The following TLR9 variants were observed in gnomAD, a reference collection of about 807,000 sequenced individuals.
TLR9 encodes the protein toll like receptor 9.
TLR9 carries 19 observed loss-of-function variants against 24.6 expected under a neutral mutation model. The ratio of observed to expected loss-of-function variants is 0.77; its 90% CI spans 0.54 to 1.13. The LOEUF is 1.13. Among genes scored for constraint, TLR9 ranks in the 50% most tolerant of loss-of-function variants. The pLI is 0.00. For missense variants in TLR9, 1,065 were observed against 1,379.6 expected (o/e 0.77, Z 3.61); for synonymous variants, 579 against 609.8 (o/e 0.95, Z 0.74).
In TLR9 at chr3:52,221,747, G is replaced by A. The variant is rs200200453; in HGVS notation, c.2569C>T (p.Arg857Trp). The A allele has an allele frequency of 2.5e-5, 41 of 1,613,830 alleles. No homozygotes were observed. The highest frequency in any genetic ancestry group is 4.5e-5 in the East Asian group (2 of 44,892). The change falls in exon 2 of 2, where the codon CGG becomes TGG. Residue 857 changes from arginine (R) to tryptophan (W), a missense_variant. Transcript: ENST00000360658. This position sits in a 1 kb window ranked among gnomAD's most constrained non-coding sequence, Gnocchi z 9.9. ...FHLCLAWLPW[R>W]GRQSGRDEDA... ...TCATCTCGCCCACTTTGCCGCCCCC[G>A]CCAGGGAAGCCAGGCCAGGCACAGG...
intron 1 of TLR9, among the ~76,000 whole-genome samples, chr3:52,224,808 C>T (rs1259082334): frequency 6.6e-6 from 1 of 152,264 alleles, no homozygotes; most frequent in Non-Finnish European, 1.5e-5. Flanking sequence ...GGCCGGCTGC[C>T]TCCCAGGGAC....
Position 52,222,671 on chromosome 3 carries a change from C to T in TLR9, c.1645G>A (p.Ala549Thr). Residue 549 changes from alanine (A) to threonine (T), a missense_variant, in exon 2 of 2, where the codon GCC (alanine) becomes ACC (threonine). By Grantham distance (58) the Ala-to-Thr change is moderately conservative. Transcript: ENST00000360658. ...TGGCTGTTGTAGCTGAGGTCCAGGG[C>T]CTCCAGTCGCGGTAGCTCCGTGAAT... is the stretch of plus-strand genomic sequence containing the variant. ...HSFTELPRLE[A>T]LDLSYNSQPF... 1 of 1,613,468 alleles carries T rather than the reference C, an allele frequency of 6.2e-7. No homozygotes were observed. The highest frequency in any genetic ancestry group is 1.3e-5 in the African/African-American group (1 of 75,058).
Position 52,221,976 on chromosome 3 carries a change from G to T in TLR9, c.2340C>A (p.Ala780=), listed in dbSNP as rs201639851. ...TCACCCGGCTGGGCAGACCGGGCAC[G>T]GCAGCCTGCACCTCCAGCAGGAAGT... ...FMDFLLEVQA[A]VPGLPSRVKC... is the part of the protein sequence containing the mutation. The change falls in exon 2 of 2, where the codon GCC becomes GCA. Residue 780 remains alanine (A), a synonymous_variant. Transcript: ENST00000360658. The surrounding 1 kb of genome is among the most constrained non-coding windows in gnomAD (Gnocchi z 9.9). The T allele has an allele frequency of 6.2e-7, 1 of 1,608,736 alleles. No individual in the cohort carries two copies. Among genetic ancestry groups the T allele is most frequent in the Non-Finnish European group, 8.5e-7 (1 of 1,177,192 alleles).
rs199756615 is a variant in TLR9, at chr3:52,222,069, C to T, written c.2247G>A (p.Ala749=). The part of the protein sequence containing the change: ...TVDHSWFGPL[A]SALQILDVSA... ...TTACATCTAGTATTTGCAGGGCACT[C>T]GCCAGGGGCCCAAACCAGGAGTGGT... The change falls in exon 2 of 2, where the codon GCG becomes GCA. Residue 749 remains alanine, a synonymous_variant. Transcript: ENST00000360658. 8.2e-5 allele frequency: 133 copies of T among 1,612,524 alleles called. No individual in the cohort carries two copies. The highest frequency in any genetic ancestry group is 1.6e-4 in the East Asian group (7 of 44,866).
chr3:52,225,183 A>G (rs1699608499), intron 1 of TLR9, among the ~76,000 whole-genome samples: 1 of 152,052 alleles, frequency 6.6e-6, no homozygotes, highest in Non-Finnish European at 1.5e-5. Flanking sequence ...TGGCTCTACT[A>G]AAAATACAAA....
chr3:52,221,734 C>G lies in TLR9; in HGVS notation c.2582G>C (p.Ser861Thr), dbSNP rs201014855. 3.7e-6 allele frequency: 6 copies of G among 1,613,938 alleles called. No individual in the cohort carries two copies. The South Asian group carries it at 4.4e-5, about 12-fold the overall frequency. ...GGGCAGGGCATCCTCATCTCGCCCA[C>G]TTTGCCGCCCCCGCCAGGGAAGCCA... Reference protein sequence around the residue: ...LAWLPWRGRQSGRDEDALPYD... With the variant: ...LAWLPWRGRQTGRDEDALPYD... Residue 861 changes from serine (S) to threonine (T), a missense_variant, in exon 2 of 2, where the codon AGT (serine) becomes ACT (threonine). Coordinates refer to ENST00000360658, the MANE Select transcript of TLR9 (RefSeq NM_017442.4). This position sits in a 1 kb window ranked among gnomAD's most constrained non-coding sequence, Gnocchi z 9.9.
chr3:52,221,436 C>A lies in TLR9; in HGVS notation c.2880G>T (p.Glu960Asp), dbSNP rs771623304. 6.2e-7 allele frequency: 1 copy of A among 1,606,984 alleles called. No homozygotes were observed. Among genetic ancestry groups the A allele is most frequent in the East Asian group, 2.2e-5 (1 of 44,682 alleles). ...SFLLAQQRLL[E>D]DRKDVVVLVI... ...CCAGCACCACGACGTCCTTGCGGTCCTCCAGCAGGCGCTGCTGGGCCAGCA... is the reference window on the plus strand; with the variant it reads ...CCAGCACCACGACGTCCTTGCGGTCATCCAGCAGGCGCTGCTGGGCCAGCA... Residue 960 changes from glutamate (E) to aspartate (D), a missense_variant, in exon 2 of 2, where the codon GAG (glutamate) becomes GAT (aspartate). Transcript: ENST00000360658. The surrounding 1 kb of genome is among the most constrained non-coding windows in gnomAD (Gnocchi z 9.9).
Position 52,222,734 on chromosome 3 carries a change from G to A in TLR9, c.1582C>T (p.Leu528=), listed in dbSNP as rs1380445832. Residue 528 remains leucine (L), a synonymous_variant, in exon 2 of 2, where the codon CTG becomes TTG. Coordinates refer to ENST00000360658, the MANE Select transcript of TLR9 (RefSeq NM_017442.4). ...LPLTGLQVLD[L]SHNKLDLYHE... ...TAGAGGTCCAGCTTATTGTGGGACA[G>A]GTCTAGCACCTGCAGACCGGTCAGC... is the stretch of plus-strand genomic sequence containing the variant. 6.2e-7 allele frequency: 1 copy of A among 1,614,044 alleles called. No homozygotes were observed. Among genetic ancestry groups the A allele is most frequent in the Admixed American group, 1.7e-5 (1 of 60,038 alleles).
chr3:52,222,375 G>T lies in TLR9; in HGVS notation c.1941C>A (p.Thr647=). The part of the protein sequence containing the change: ...QNRLHTLLPQ[T]LRNLPKSLQV... ...GTAGGCTCTTGGGGAGGTTGCGCAG[G>T]GTTTGGGGCAGGAGGGTGTGCAGGC... Residue 647 remains threonine, a synonymous_variant, in exon 2 of 2, where the codon ACC becomes ACA. Transcript: ENST00000360658. 6.2e-7 allele frequency: 1 copy of T among 1,614,218 alleles called. No homozygotes were observed. The highest frequency in any genetic ancestry group is 8.5e-7 in the Non-Finnish European group (1 of 1,180,046).
chr3:52,225,355 A>G (rs1699610094), intron 1 of TLR9, among the ~76,000 whole-genome samples, 172 bp downstream of exon 1: 1 of 151,954 alleles, frequency 6.6e-6, no homozygotes, highest in Non-Finnish European at 1.5e-5. Context: ...AAAAAAAAAA[A>G]AAAGAAAAAA....
In TLR9 at chr3:52,221,239, C is replaced by T. The variant is rs774968315; in HGVS notation, c.3077G>A (p.Cys1026Tyr). ...CGGCTATTCGGCCGTGGGTCCCTGG[C>T]AGAAGTTCCGGTTATAGAAGTGGTG... ...DNHHFYNRNF[C>Y]QGPTAE The change falls in exon 2 of 2, where the codon TGC becomes TAC. Residue 1026 changes from cysteine (C) to tyrosine (Y), a missense_variant. Transcript: ENST00000360658. The surrounding 1 kb of genome is among the most constrained non-coding windows in gnomAD (Gnocchi z 9.9). The T allele has an allele frequency of 4.6e-6, 7 of 1,513,610 alleles. No homozygotes were observed. The highest frequency in any genetic ancestry group is 1.8e-4 in the Middle Eastern group (1 of 5,604). 93.8% of individuals were successfully genotyped at this position (1,513,610 alleles called of 1,614,324 possible). A position where few individuals can be genotyped will look rare whatever the true frequency, so the allele number is the denominator to read the frequency against.
rs146228125 is a variant in TLR9 at position 52,222,952 on chromosome 3, G to A, written c.1364C>T (p.Pro455Leu). 1.1e-4 allele frequency: 179 copies of A among 1,597,446 alleles called. No individual in the cohort carries two copies. The highest frequency in any genetic ancestry group is 1.4e-4 in the Non-Finnish European group (161 of 1,169,062). The change falls in exon 2 of 2, where the codon CCG becomes CTG. Residue 455 changes from proline (P) to leucine (L), a missense_variant. By Grantham distance (98) the Pro-to-Leu change is moderately conservative. Transcript: ENST00000360658. The part of the protein sequence containing the change: ...KVWLQPGDLA[P>L]APVDTPSSED... ...AGAGCTGGGAGTGTCCACTGGGGCC[G>A]GAGCAAGGTCCCCAGGCTGCAGCCA...
At position 52,223,157 on chromosome 3, in the gene TLR9, G is replaced by A. The variant is rs200896033; in HGVS notation, c.1159C>T (p.Leu387=). The A allele has an allele frequency of 8.1e-6, 13 of 1,613,878 alleles. No individual in the cohort carries two copies. The highest frequency in any genetic ancestry group is 1.0e-5 in the Non-Finnish European group (12 of 1,179,964). The stretch of plus-strand genomic sequence containing the variant: ...GTCTGGAGCATGGGCAGGCGGGCCA[G>A]TGGCCGGAGCGTGGTCTCATCGAGT... ...RSLDETTLRP[L]ARLPMLQTLR... The change falls in exon 2 of 2, where the codon CTG becomes TTG. Residue 387 remains leucine, a synonymous_variant. Transcript: ENST00000360658.
rs201350555 is a variant in TLR9 at position 52,224,286 on chromosome 3, C to T, written c.30G>A (p.Pro10=). 23 of 1,601,908 alleles carry T rather than the reference C, an allele frequency of 1.4e-5. No homozygotes were observed. The highest frequency in any genetic ancestry group is 7.8e-5 in the South Asian group (7 of 89,974). The change falls in exon 2 of 2, where the codon CCG becomes CCA. Residue 10 remains proline, a synonymous_variant. Transcript: ENST00000360658. MGFCRSALH[P]LSLLVQAIML... is the part of the protein sequence containing the mutation. ...TGATGGCCTGCACCAGGAGAGACAG[C>T]GGGTGCAGGGCGCTGCGGCAGAAAC... is the stretch of plus-strand genomic sequence containing the variant.
chr3:52,223,715 G>A lies in TLR9; in HGVS notation c.601C>T (p.Leu201Phe), dbSNP rs2107295531. ...TTGTACTTGAGTGACAGGTGGGTGAGGTTGCCCAGGCCAAGGAGGGCACCC... is the reference window on the plus strand; with the variant it reads ...TTGTACTTGAGTGACAGGTGGGTGAAGTTGCCCAGGCCAAGGAGGGCACCC... Reference protein sequence around the residue: ...APGALLGLGNLTHLSLKYNNL... With the variant: ...APGALLGLGNFTHLSLKYNNL... The change falls in exon 2 of 2, where the codon CTC becomes TTC. Residue 201 changes from leucine to phenylalanine, a missense_variant. By Grantham distance (22) the Leu-to-Phe change is conservative. Coordinates refer to ENST00000360658, the MANE Select transcript of TLR9 (RefSeq NM_017442.4). The A allele has an allele frequency of 2.5e-6, 4 of 1,589,784 alleles. No homozygotes were observed. The East Asian group carries it at 9.0e-5, about 36-fold the overall frequency.
Position 52,224,314 on chromosome 3 carries a change from TG to T in TLR9, c.4-3del, listed in dbSNP as rs1559438382. On this transcript the variant is annotated splice_polypyrimidine_tract_variant and splice_region_variant and intron_variant, in intron 1 of 1. Coordinates refer to ENST00000360658, the MANE Select transcript of TLR9 (RefSeq NM_017442.4). ...GTGCAGGGCGCTGCGGCAGAAACCCTGTGGGGGTGGGAGGGCTGTGTGAGTG... is the reference window on the plus strand; with the variant it reads ...GTGCAGGGCGCTGCGGCAGAAACCCTTGGGGGTGGGAGGGCTGTGTGAGTG... 1 of 1,567,236 alleles carries T rather than the reference TG, an allele frequency of 6.4e-7. No individual in the cohort carries two copies. The highest frequency in any genetic ancestry group is 1.2e-5 in the South Asian group (1 of 86,430).
rs201987425 is a variant in TLR9 at position 52,222,555 on chromosome 3, G to T, written c.1761C>A (p.Ile587=). 2.8e-5 allele frequency: 46 copies of T among 1,614,090 alleles called. No individual in the cohort carries two copies. The highest frequency in any genetic ancestry group is 5.1e-6 in the Non-Finnish European group (6 of 1,180,046). ...AGAGCTGCTGGGACACTTGGCTGTG[G>T]ATGTTGTTGTGGGCCAGGCTGAGGT... ...LRHLSLAHNN[I]HSQVSQQLCS... is the part of the protein sequence containing the mutation. Residue 587 remains isoleucine (I), a synonymous_variant, in exon 2 of 2, where the codon ATC becomes ATA. Transcript: ENST00000360658.
rs34399053 is a variant in TLR9 at position 52,222,431 on chromosome 3, C to T, written c.1885G>A (p.Gly629Ser). 134 of 1,614,180 alleles carry T rather than the reference C, an allele frequency of 8.3e-5. No homozygotes were observed. In the African/African-American group the frequency reaches 1.5e-3, roughly 17 times the overall value. ...LYLHFFQGLS[G>S]LIWLDLSQNR... ...TGGGACAAGTCCAGCCAGATCAAAC[C>T]GCTCAGGCCTTGGAAGAAGTGCAGA... is the stretch of plus-strand genomic sequence containing the variant. Residue 629 changes from glycine (G) to serine (S), a missense_variant, in exon 2 of 2, where the codon GGT becomes AGT. Gly to Ser is a moderately conservative substitution (Grantham distance 56). Transcript: ENST00000360658.
Position 52,221,970 on chromosome 3 carries a change from G to A in TLR9, c.2346C>T (p.Pro782=), listed in dbSNP as rs562283382. The A allele has an allele frequency of 1.9e-5, 31 of 1,608,824 alleles. 1 individual carries two copies. The East Asian group carries it at 2.7e-4, about 14-fold the overall frequency. Residue 782 remains proline (P), a synonymous_variant, in exon 2 of 2, where the codon CCC becomes CCT. Transcript: ENST00000360658. This position sits in a 1 kb window ranked among gnomAD's most constrained non-coding sequence, Gnocchi z 9.9. The stretch of plus-strand genomic sequence containing the variant: ...CACACTTCACCCGGCTGGGCAGACC[G>A]GGCACGGCAGCCTGCACCTCCAGCA... ...DFLLEVQAAV[P]GLPSRVKCGS... is the part of the protein sequence containing the mutation.
Sources: allele counts gnomAD v4.1 joint callset (sites outside exome capture counted in the v4.1 genomes callset), GRCh38; gene constraint gnomAD v4.1.1; non-coding constraint Gnocchi (gnomAD v3.1); transcripts MANE v1.5; gene names NCBI Gene and HGNC (gene_info 2026-07-23, HGNC 2026-07-21).